TTLL4: variants seen among roughly 807,000 people sequenced by gnomAD.
The protein encoded by TTLL4 is tubulin tyrosine ligase like 4, also known as tubulin monoglutamylase TTLL4.
A neutral mutation model predicts 122.7 loss-of-function variants in TTLL4; 85 were observed. The observed-to-expected ratio is 0.69, with a 90% CI of 0.58 to 0.83. TTLL4 has a LOEUF of 0.83. Ranked by LOEUF, TTLL4 falls within the 40% of genes least tolerant of loss-of-function variation. The pLI is 0.00. For missense variants in TTLL4, 1,363 were observed against 1,488.6 expected, an observed-to-expected ratio of 0.92 and a Z score of 1.39; for synonymous variants, 553 against 563.0, an observed-to-expected ratio of 0.98 and a Z score of 0.25.
intron 1 of TTLL4, among the ~76,000 whole-genome samples, chr2:218,712,682 C>G (rs758430377): frequency 6.6e-6 from 1 of 152,120 alleles, no homozygotes; most frequent in African/African-American, 2.4e-5. Context: ...CCACCGCGCC[C>G]GGCCCCAATG....
At chr2:218,743,401 A>G (rs903052000) in intron 5 of TTLL4, among the ~76,000 whole-genome samples, 2 of 152,110 alleles carry the variant, frequency 1.3e-5, no homozygotes, top group African/African-American at 2.4e-5. Flanking sequence ...ATTGCTGGAT[A>G]GTGTTCTGTG....
chr2:218,728,942 GGC>G (rs201193784), intron 2 of TTLL4, among the ~76,000 whole-genome samples: 22 of 40,764 alleles, frequency 5.4e-4, no homozygotes, highest in South Asian at 2.0e-3. Flanking sequence ...TTTTTTTTTT[GGC>G]GGGGGGGGGC....
intron 18 of TTLL4, 100 bp from the exon 19 acceptor site, chr2:218,753,484 A>G: frequency 8.4e-7 from 1 of 1,193,596 alleles, no homozygotes; most frequent in East Asian, 2.3e-5. Flanking sequence ...GGAGAACCCC[A>G]TGATCCATTT....
intron 1 of TTLL4, among the ~76,000 whole-genome samples, chr2:218,725,534 G>C (rs1484306853): frequency 6.6e-6 from 1 of 151,860 alleles, no homozygotes; most frequent in Admixed American, 6.6e-5. Context: ...AACTATTTGT[G>C]TCTCAATTTA....
At position 218,717,074 on chromosome 2, in the gene TTLL4, C is replaced by G. The variant is rs145721621; in HGVS notation, c.-178+6037C>G. ...ATGGCTTACTGCAGTCTCCACCCCC[C>G]AGGCTCAGGTGATCCTCCTACCACA... On this transcript the variant is annotated intron_variant, in intron 1 of 19. Transcript: ENST00000392102. Among the ~76,000 whole-genome samples the G allele has an allele frequency of 3.3e-5, 5 of 152,156 alleles. No individual in the cohort carries two copies. The East Asian group carries it at 9.7e-4, about 29-fold the overall frequency.
intron 2 of TTLL4, among the ~76,000 whole-genome samples, chr2:218,728,737 A>T (rs770610812): frequency 3.3e-5 from 5 of 152,164 alleles, no homozygotes; most frequent in Non-Finnish European, 5.9e-5. Context: ...TATAGAGAGA[A>T]GTGCTGCTGA....
chr2:218,718,760 T>G (rs1201187995), intron 1 of TTLL4, among the ~76,000 whole-genome samples: 1 of 152,156 alleles, frequency 6.6e-6, no homozygotes, highest in Non-Finnish European at 1.5e-5. Flanking sequence ...CCCATAAAGA[T>G]TGGAGGACAG....
intron 1 of TTLL4, among the ~76,000 whole-genome samples, chr2:218,721,143 A>T (rs1046022207): frequency 6.6e-6 from 1 of 152,046 alleles, no homozygotes; most frequent in Non-Finnish European, 1.5e-5. Context: ...TAAATAGGTA[A>T]ATGTAAGTGA....
chr2:218,731,563 A>G (rs951088375), intron 2 of TTLL4, among the ~76,000 whole-genome samples: 4 of 152,204 alleles, frequency 2.6e-5, no homozygotes, highest in African/African-American at 9.7e-5. Flanking sequence ...ATGAAGGGGC[A>G]GAGGGGAGAT....
chr2:218,758,324 G>A (rs1205463078), downstream of TTLL4, among the ~76,000 whole-genome samples: 1 of 152,140 alleles, frequency 6.6e-6, no homozygotes, highest in African/African-American at 2.4e-5. Flanking sequence ...GTAAACTGGG[G>A]ACACCAAAGC....
intron 12 of TTLL4, chr2:218,748,596 AGTGAG>A (rs1942915131): frequency 2.3e-6 from 1 of 437,004 alleles, no homozygotes. Context: ...CGGAGGTTGC[AGTGAG>A]CTGAGATCGC....
At position 218,719,049 on chromosome 2, in the gene TTLL4, T is replaced by C. The variant is rs1941952949; in HGVS notation, c.-178+8012T>C. Reference sequence around the variant, plus strand: ...CCTTTATTCAAGTTTTATTTTTATTTTTAACAGTTTTGTGGAGGTATAATT... The same window carrying C: ...CCTTTATTCAAGTTTTATTTTTATTCTTAACAGTTTTGTGGAGGTATAATT... On this transcript the variant is annotated intron_variant, in intron 1 of 19. Transcript: ENST00000392102. 2.0e-5 allele frequency among the ~76,000 whole-genome samples: 3 copies of C among 152,232 alleles called. No homozygotes were observed. In the South Asian group the frequency reaches 6.2e-4, roughly 31 times the overall value.
downstream of TTLL4, among the ~76,000 whole-genome samples, chr2:218,757,451 T>C (rs1461721286): frequency 6.6e-6 from 1 of 152,186 alleles, no homozygotes; most frequent in Non-Finnish European, 1.5e-5. Flanking sequence ...GTATGTGAAC[T>C]GAGTGGGATT....
At chr2:218,732,725 G>A (rs1023914874) in intron 2 of TTLL4, among the ~76,000 whole-genome samples, 2 of 152,160 alleles carry the variant, frequency 1.3e-5, no homozygotes, top group South Asian at 2.1e-4. Context: ...GGCAGGATGC[G>A]GGAAAAGATG....
intron 8 of TTLL4, 188 bp from the exon 9 acceptor site, chr2:218,746,815 G>A: frequency 3.2e-6 from 2 of 619,536 alleles, no homozygotes; most frequent in East Asian, 2.8e-5. Flanking sequence ...TGTTTTGTCT[G>A]TGTTTTAATC....
intron 5 of TTLL4, among the ~76,000 whole-genome samples, chr2:218,743,230 C>G (rs973560029): frequency 6.6e-6 from 1 of 152,128 alleles, no homozygotes; most frequent in Non-Finnish European, 1.5e-5. Context: ...CCTCCTTAAC[C>G]CCCTGGCAAC....
intron 1 of TTLL4, among the ~76,000 whole-genome samples, chr2:218,718,400 C>T (rs929587462): frequency 6.0e-5 from 9 of 150,618 alleles, no homozygotes; most frequent in African/African-American, 1.5e-4. Context: ...TCTTTTGAGA[C>T]GCAGTTTCAC....
At chr2:218,726,869 A>G (rs374047807) in intron 1 of TTLL4, among the ~76,000 whole-genome samples, 1 of 150,336 alleles carries the variant, frequency 6.7e-6, no homozygotes, top group Non-Finnish European at 1.5e-5. Context: ...TAGTGATGCA[A>G]TCTCAGCTCA....
Position 218,751,645 on chromosome 2 carries a change from T to C in TTLL4, c.2874-59T>C, listed in dbSNP as rs1351124509. On this transcript the variant is annotated intron_variant, in intron 15 of 19. Transcript: ENST00000392102. ...TGCTGGGCTGGACCTCCTCCATATT[T>C]CCTCCAAATAAGAAGCTGCTGACCC... The C allele has an allele frequency of 9.5e-6, 15 of 1,585,660 alleles. No homozygotes were observed. The East Asian group carries it at 3.4e-4, about 36-fold the overall frequency.
Sources: gnomAD v4.1 joint callset for allele counts (sites outside exome capture counted in the v4.1 genomes callset) on GRCh38, gnomAD v4.1.1 for gene constraint, MANE v1.5 for transcripts, NCBI Gene and HGNC (gene_info 2026-07-23, HGNC 2026-07-21) for gene names.